The following NCOA2 variants were observed in gnomAD, a reference collection of about 807,000 sequenced individuals.
NCOA2 encodes the protein class E basic helix-loop-helix protein 75.
Under a neutral mutation model 145.1 loss-of-function variants are expected in NCOA2, and 21 were observed. The observed-to-expected ratio is 0.14, with a 90% CI of 0.10 to 0.21. The LOEUF is 0.21. Among genes scored for constraint, NCOA2 ranks in the 10% least tolerant of loss-of-function variants. NCOA2 has a pLI of 1.00. For missense variants in NCOA2, 1,472 were observed against 1,837.6 expected (o/e 0.80, Z 3.64); for synonymous variants, 619 against 637.5 (o/e 0.97, Z 0.44).
intron 1 of NCOA2, among the ~76,000 whole-genome samples, chr8:70,316,623 A>G (rs2136093446): frequency 6.6e-6 from 1 of 152,294 alleles, no homozygotes; most frequent in African/African-American, 2.4e-5. Flanking sequence ...TATGCCACAT[A>G]ACCAAACGGA....
intron 1 of NCOA2, among the ~76,000 whole-genome samples, chr8:70,376,317 G>C (rs1811662739): frequency 1.3e-5 from 2 of 152,032 alleles, no homozygotes; most frequent in East Asian, 3.9e-4. Context: ...ACTTTCTTGA[G>C]TGCAACCATA....
chr8:70,192,919 T>C (rs1816847057), intron 4 of NCOA2, among the ~76,000 whole-genome samples: 1 of 151,626 alleles, frequency 6.6e-6, no homozygotes, highest in Admixed American at 6.6e-5. Context: ...ATACGAAAAT[T>C]AGCCGGGCAT....
the NCOA2 span, among the ~76,000 whole-genome samples, chr8:70,454,981 A>G: frequency 6.6e-6 from 1 of 152,232 alleles, no homozygotes; most frequent in Non-Finnish European, 1.5e-5. Flanking sequence ...AAATAGAAGT[A>G]CTACATACAT....
chr8:70,405,739 GA>G (rs1814758771), upstream of NCOA2, among the ~76,000 whole-genome samples: 1 of 152,062 alleles, frequency 6.6e-6, no homozygotes, highest in Non-Finnish European at 1.5e-5. Flanking sequence ...CATTTTGGCA[GA>G]AGTCCAGAGT....
the NCOA2 span, among the ~76,000 whole-genome samples, chr8:70,432,874 T>C: frequency 6.6e-6 from 1 of 152,164 alleles, no homozygotes; most frequent in Non-Finnish European, 1.5e-5. Context: ...CCCAATATTT[T>C]AACAAAAAAC....
the NCOA2 span, among the ~76,000 whole-genome samples, chr8:70,417,821 A>G: frequency 2.0e-4 from 30 of 152,274 alleles, no homozygotes; most frequent in African/African-American, 4.6e-4. Context: ...CCTTTTTCGT[A>G]TCTCCATTGT....
intron 1 of NCOA2, among the ~76,000 whole-genome samples, chr8:70,377,428 A>G (rs933247063): frequency 3.9e-5 from 6 of 152,152 alleles, no homozygotes; most frequent in Non-Finnish European, 8.8e-5. Flanking sequence ...AGTACATTAC[A>G]TTTTTTAGTA....
At chr8:70,148,126 T>G in intron 12 of NCOA2, 147 bp downstream of exon 12, 1 of 735,098 alleles carries the variant, frequency 1.4e-6, no homozygotes, top group South Asian at 1.7e-5. Context: ...TGAATACTGT[T>G]TCAAAAGACC....
chr8:70,342,190 A>G (rs1012293485), intron 1 of NCOA2, among the ~76,000 whole-genome samples: 2 of 152,220 alleles, frequency 1.3e-5, no homozygotes, highest in Non-Finnish European at 2.9e-5. Flanking sequence ...GAATGACATT[A>G]AAGTCCTCAT....
chr8:70,383,504 T>G (rs904260986), intron 1 of NCOA2, among the ~76,000 whole-genome samples: 4 of 151,704 alleles, frequency 2.6e-5, no homozygotes, highest in African/African-American at 9.7e-5. Context: ...GTTTTTTTTG[T>G]TTTTGTTTTT....
At chr8:70,118,714 G>C (rs1269780773) in intron 22 of NCOA2, among the ~76,000 whole-genome samples, 2 of 147,622 alleles carry the variant, frequency 1.4e-5, no homozygotes, top group Admixed American at 1.3e-4. Flanking sequence ...TTGAGACAGA[G>C]TTTTGCTCTT....
chr8:70,451,187 C>T, the NCOA2 span, among the ~76,000 whole-genome samples: 23 of 133,256 alleles, frequency 1.7e-4, no homozygotes, highest in East Asian at 4.4e-4. Context: ...CACTGTGCTC[C>T]GGTCTGGGGG....
At chr8:70,330,987 T>C (rs1807045506) in intron 1 of NCOA2, among the ~76,000 whole-genome samples, 1 of 152,132 alleles carries the variant, frequency 6.6e-6, no homozygotes, top group Non-Finnish European at 1.5e-5. Context: ...AGCTAATTCA[T>C]TTTAAAGCCT....
At chr8:70,294,851 T>C (rs1319349843) in intron 2 of NCOA2, among the ~76,000 whole-genome samples, 2 of 152,224 alleles carry the variant, frequency 1.3e-5, no homozygotes, top group Non-Finnish European at 2.9e-5. Flanking sequence ...ACATAATGCC[T>C]AGCATACAGT....
chr8:70,325,029 C>G (rs1806430448), intron 1 of NCOA2, among the ~76,000 whole-genome samples: 1 of 152,130 alleles, frequency 6.6e-6, no homozygotes, highest in Admixed American at 6.5e-5. Context: ...TTTTTACTAT[C>G]CATATCTTTA....
intron 4 of NCOA2, among the ~76,000 whole-genome samples, chr8:70,186,173 T>G (rs2133119557): frequency 6.6e-6 from 1 of 152,262 alleles, no homozygotes; most frequent in South Asian, 2.1e-4. Flanking sequence ...GTAAAAAGTT[T>G]ATAATCCTGG....
chr8:70,401,808 G>GT (rs1173492451), intron 1 of NCOA2: 1 of 152,220 alleles, frequency 6.6e-6, no homozygotes, highest in Non-Finnish European at 1.5e-5. Flanking sequence ...CCCTTAGCAT[G>GT]TAAACCGGAC....
rs533520583 is a variant in NCOA2, at chr8:70,268,165, A to AT, written c.-20+28578dup. Among the ~76,000 whole-genome samples, 15 of 152,270 alleles carry AT rather than the reference A, an allele frequency of 9.9e-5. No individual in the cohort carries two copies. The South Asian group carries it at 2.9e-3, about 29-fold the overall frequency. ...CCCTTGGGACCTTCATTTGGAGCTC[A>AT]TTTTTTAAACCACAATTTGGTCTCT... is the stretch of plus-strand genomic sequence containing the variant. On this transcript the variant is annotated intron_variant, in intron 2 of 22. Transcript: ENST00000452400.
chr8:70,245,995 G>A (rs960011767), intron 2 of NCOA2, among the ~76,000 whole-genome samples: 3 of 152,038 alleles, frequency 2.0e-5, no homozygotes, highest in African/African-American at 7.2e-5. Flanking sequence ...TCCTTATTAA[G>A]TAATTTATAA....
Sources: allele counts gnomAD v4.1 joint callset (sites outside exome capture counted in the v4.1 genomes callset), GRCh38; gene constraint gnomAD v4.1.1; transcripts MANE v1.5; gene names NCBI Gene and HGNC (gene_info 2026-07-23, HGNC 2026-07-21).